RNF19A: variants seen among roughly 807,000 people sequenced by gnomAD.
RNF19A encodes ring finger protein 19A, RBR E3 ubiquitin protein ligase, also known as E3 ubiquitin-protein ligase RNF19A.
A neutral mutation model predicts 75.7 loss-of-function variants in RNF19A; 32 were observed. The observed-to-expected ratio is 0.42, with a 90% CI of 0.32 to 0.57. The LOEUF (loss-of-function observed/expected upper bound fraction) is 0.57, where lower values mean the gene tolerates loss of function less well. Ranked by LOEUF, RNF19A falls within the 20% of genes least tolerant of loss-of-function variation. The pLI is 0.10. For missense variants in RNF19A, 782 were observed against 1,036.3 expected, an observed-to-expected ratio of 0.75 and a Z score of 3.37; for synonymous variants, 335 against 345.2, an observed-to-expected ratio of 0.97 and a Z score of 0.33.
At position 100,259,072 on chromosome 8, in the gene RNF19A, T is replaced by C. The variant is rs777304914; in HGVS notation, c.2001A>G (p.Ala667=). ...KSSATKWSKE[A]TAGKKSKSGK... is the part of the protein sequence containing the mutation. ...CACTTTTTGATTTTTTCCCTGCTGT[T>C]GCTTCTTTGGACCACTTGGTGGCAC... is the stretch of plus-strand genomic sequence containing the variant. Residue 667 remains alanine, a synonymous_variant, in exon 10 of 10, where the codon GCA becomes GCG. Coordinates refer to ENST00000341084, the MANE Select transcript of RNF19A (RefSeq NM_183419.4). The surrounding 1 kb of genome is among the most constrained non-coding windows in gnomAD (Gnocchi z 4.5). The C allele has an allele frequency of 1.2e-6, 2 of 1,614,102 alleles. No individual in the cohort carries two copies. The highest frequency in any genetic ancestry group is 1.3e-5 in the African/African-American group (1 of 74,930).
chr8:100,304,934 T>C (rs908415282), intron 1 of RNF19A, among the ~76,000 whole-genome samples: 1 of 152,152 alleles, frequency 6.6e-6, no homozygotes, highest in African/African-American at 2.4e-5. Context: ...ATGATGAATA[T>C]CCTTCCTTAT....
At chr8:100,293,658 C>T (rs1477806512) in intron 1 of RNF19A, among the ~76,000 whole-genome samples, 3 of 152,086 alleles carry the variant, frequency 2.0e-5, no homozygotes, top group African/African-American at 7.2e-5. Flanking sequence ...TACAGGAATT[C>T]GGGGAAAATT....
At chr8:100,318,250 G>A (rs1159813429) in intron 1 of RNF19A, among the ~76,000 whole-genome samples, 1 of 152,188 alleles carries the variant, frequency 6.6e-6, no homozygotes, top group Non-Finnish European at 1.5e-5. Context: ...GGAACTGACA[G>A]TATTTCCCTT....
chr8:100,305,339 T>A lies in RNF19A; in HGVS notation c.-94+4528A>T, dbSNP rs189835364. ...CAATTCGAAGGTGTATGCAATTCTGTATTTGGCCTCAAAAGACACATCAAT... is the reference window on the plus strand; with the variant it reads ...CAATTCGAAGGTGTATGCAATTCTGAATTTGGCCTCAAAAGACACATCAAT... On this transcript the variant is annotated intron_variant, in intron 1 of 9. Transcript: ENST00000341084. 1.4e-3 allele frequency among the ~76,000 whole-genome samples: 208 copies of A among 152,318 alleles called. 1 individual carries two copies. The highest frequency in any genetic ancestry group is 2.7e-3 in the Non-Finnish European group (181 of 68,034).
chr8:100,328,056 C>A (rs1485027572), intron 1 of RNF19A, among the ~76,000 whole-genome samples: 3 of 152,142 alleles, frequency 2.0e-5, no homozygotes, highest in Non-Finnish European at 2.9e-5. Flanking sequence ...GCTGTCTTTG[C>A]TCTTGAATGC....
At chr8:100,303,760 G>GT (rs1344530874) in intron 1 of RNF19A, among the ~76,000 whole-genome samples, 3 of 104,774 alleles carry the variant, frequency 2.9e-5, no homozygotes, top group South Asian at 2.9e-4. Context: ...CTCGCCGCTT[G>GT]TAAAAAAAAA....
At chr8:100,334,325 C>G (rs56028014) in intron 1 of RNF19A, among the ~76,000 whole-genome samples, 23,914 of 152,242 alleles carry the variant, frequency 0.16, 1,959 homozygotes, top group Middle Eastern at 0.21. Context: ...TCTTTTCACC[C>G]TCTGCTCTGT....
intron 2 of RNF19A, among the ~76,000 whole-genome samples, chr8:100,276,723 C>CAA (rs60419107): frequency 1.6e-4 from 13 of 80,566 alleles, no homozygotes; most frequent in South Asian, 3.9e-4. Context: ...ACCACTGTAC[C>CAA]AAAAAAAAAA....
chr8:100,298,971 TAA>T (rs1317553774), intron 1 of RNF19A, among the ~76,000 whole-genome samples: 3 of 152,120 alleles, frequency 2.0e-5, no homozygotes, highest in Admixed American at 6.5e-5. Flanking sequence ...TAAATAGGTT[TAA>T]AAAAGATACC....
At chr8:100,309,252 G>T in intron 1 of RNF19A, 1 of 918,406 alleles carries the variant, frequency 1.1e-6, no homozygotes, top group East Asian at 1.2e-4. Context: ...TTGGTGTGAT[G>T]TGTAATTTTT....
At position 100,333,413 on chromosome 8, in the gene RNF19A, G is replaced by T. The variant is rs1166276173; in HGVS notation, c.-243+2695C>A. Among the ~76,000 whole-genome samples the T allele has an allele frequency of 2.0e-5, 3 of 152,186 alleles. No individual in the cohort carries two copies. Among genetic ancestry groups the T allele is most frequent in the Admixed American group, 2.0e-4 (3 of 15,276 alleles). On this transcript the variant is annotated intron_variant, in intron 1 of 3. Coordinates refer to the RNF19A transcript ENST00000519527. This position sits in a 1 kb window ranked among gnomAD's most constrained non-coding sequence, Gnocchi z 4.7. ...CATCTATACCAAGGAAGTTCACATAGCTACAAAAACAAAGCTTAAAGCTAT... is the reference window on the plus strand; with the variant it reads ...CATCTATACCAAGGAAGTTCACATATCTACAAAAACAAAGCTTAAAGCTAT...
intron 2 of RNF19A, among the ~76,000 whole-genome samples, chr8:100,276,476 G>C (rs916669384): frequency 6.6e-6 from 1 of 151,948 alleles, no homozygotes; most frequent in African/African-American, 2.4e-5. Context: ...CACAGGCCAG[G>C]CATGGTGGCT....
At chr8:100,292,096 C>T (rs1586656743) in intron 1 of RNF19A, among the ~76,000 whole-genome samples, 1 of 147,470 alleles carries the variant, frequency 6.8e-6, no homozygotes, top group African/African-American at 2.5e-5. Flanking sequence ...GTGAAACTGT[C>T]AATAAAGAAG....
At chr8:100,308,359 G>C (rs1822143593) in intron 1 of RNF19A, among the ~76,000 whole-genome samples, 1 of 152,042 alleles carries the variant, frequency 6.6e-6, no homozygotes, top group Admixed American at 6.6e-5. Context: ...GGTTTATTAA[G>C]TCCCAAGACT....
intron 1 of RNF19A, among the ~76,000 whole-genome samples, chr8:100,335,765 C>T (rs866934314): frequency 1.3e-5 from 2 of 152,172 alleles, no homozygotes; most frequent in Admixed American, 6.5e-5. Context: ...TGACGGTGGC[C>T]GCCTGTCCCT....
intron 1 of RNF19A, among the ~76,000 whole-genome samples, chr8:100,319,822 G>A (rs530736693): frequency 1.8e-4 from 26 of 148,310 alleles, no homozygotes; most frequent in African/African-American, 5.5e-4. Flanking sequence ...GAGCCACCGC[G>A]TCCAGGCTTT....
At chr8:100,328,109 A>G (rs1226405640) in intron 1 of RNF19A, among the ~76,000 whole-genome samples, 1 of 152,094 alleles carries the variant, frequency 6.6e-6, no homozygotes, top group African/African-American at 2.4e-5. Flanking sequence ...TGGTATCTAC[A>G]TCCCCCCACT....
intron 1 of RNF19A, among the ~76,000 whole-genome samples, chr8:100,303,819 T>C (rs1821951060): frequency 6.8e-6 from 1 of 146,832 alleles, no homozygotes. Context: ...GTGCCTGTAA[T>C]CCCAGCTACT....
At chr8:100,326,248 A>G (rs529254398) in intron 1 of RNF19A, among the ~76,000 whole-genome samples, 2 of 151,984 alleles carry the variant, frequency 1.3e-5, no homozygotes, top group Non-Finnish European at 2.9e-5. Context: ...TTTCTTCTGA[A>G]CTTCAGAAAA....
Sources: allele counts gnomAD v4.1 joint callset (sites outside exome capture counted in the v4.1 genomes callset), GRCh38; gene constraint gnomAD v4.1.1; non-coding constraint Gnocchi (gnomAD v3.1); transcripts MANE v1.5; gene names NCBI Gene and HGNC (gene_info 2026-07-23, HGNC 2026-07-21).